Variants in ZNF300 observed in about 807,000 individuals in gnomAD.
ZNF300 encodes the protein zinc finger protein 300, also known as kruppel-like zinc finger protein.
ZNF300 carries 6 observed loss-of-function variants against 13.9 expected under a neutral mutation model. The observed-to-expected ratio is 0.43, with a 90% confidence interval of 0.24 to 0.85. The LOEUF (loss-of-function observed/expected upper bound fraction) is 0.85, where lower values mean the gene tolerates loss of function less well. Among genes scored for constraint, ZNF300 ranks in the 40% least tolerant of loss-of-function variants. The pLI is 0.25. For synonymous variants in ZNF300, 237 were observed against 242.2 expected (o/e 0.98, Z 0.20); for missense variants, 662 against 714.2 (o/e 0.93, Z 0.83).
At chr5:150,904,621 T>C (rs1233655491) in intron 1 of ZNF300, 83 bp downstream of exon 1, 3 of 152,492 alleles carry the variant, frequency 2.0e-5, no homozygotes, top group African/African-American at 4.8e-5. Flanking sequence ...TCCCACCTAC[T>C]TCCCCCACCA....
intron 3 of ZNF300, among the ~76,000 whole-genome samples, chr5:150,901,879 A>C (rs1197658206): frequency 1.3e-5 from 2 of 152,168 alleles, no homozygotes; most frequent in African/African-American, 4.8e-5. Flanking sequence ...AGTGTATACA[A>C]AAGACCTTTA....
chr5:150,900,835 A>T (rs1020421613), intron 3 of ZNF300: 3 of 152,140 alleles, frequency 2.0e-5, no homozygotes, highest in Admixed American at 1.3e-4. Context: ...TCTGAGAGGT[A>T]AATTCATAGA....
Position 150,896,570 on chromosome 5 carries a change from G to C in ZNF300, c.669C>G (p.Ser223Arg), listed in dbSNP as rs781401526. The C allele has an allele frequency of 1.2e-6, 2 of 1,613,660 alleles. No individual in the cohort carries two copies. The highest frequency in any genetic ancestry group is 1.7e-6 in the Non-Finnish European group (2 of 1,179,828). Reference protein sequence around the residue: ...DQSFGGGKSSSQSEPNSNLEK... With the variant: ...DQSFGGGKSSRQSEPNSNLEK... ...CAAGATTAGAATTGGGCTCACTCTG[G>C]CTAGATGATTTTCCACCTCCAAAAC... The change falls in exon 6 of 6, where the codon AGC becomes AGG. Residue 223 changes from serine to arginine, a missense_variant. By Grantham distance (110) the Ser-to-Arg change is moderately radical (BLOSUM62 -1). Coordinates refer to ENST00000274599, the MANE Select transcript of ZNF300 (RefSeq NM_052860.4).
At chr5:150,901,872 G>T (rs1315256816) in intron 3 of ZNF300, among the ~76,000 whole-genome samples, 1 of 152,110 alleles carries the variant, frequency 6.6e-6, no homozygotes, top group East Asian at 1.9e-4. Context: ...TATTCTAAGT[G>T]TATACAAAAG....
chr5:150,902,509 G>A (rs768319466), intron 3 of ZNF300, among the ~76,000 whole-genome samples: 4 of 152,150 alleles, frequency 2.6e-5, no homozygotes, highest in Non-Finnish European at 5.9e-5. Flanking sequence ...TTTTGGCATT[G>A]CAGGCCATAC....
intron 5 of ZNF300, 63 bp downstream of exon 5, chr5:150,897,999 G>C: frequency 6.4e-7 from 1 of 1,560,282 alleles, no homozygotes; most frequent in Non-Finnish European, 8.7e-7. Flanking sequence ...ATTTTGATAA[G>C]GATAGAAACA....
At position 150,896,189 on chromosome 5, in the gene ZNF300, T is replaced by C. The variant is rs761818091; in HGVS notation, c.1050A>G (p.Glu350=). ...LIIHQRVHTG[E]KPYECSECGK... Reference sequence around the variant, plus strand: ...CGCATTCACTACATTCATAGGGTTTTTCCCCAGTGTGAACTCTCTGATGTA... The same window carrying C: ...CGCATTCACTACATTCATAGGGTTTCTCCCCAGTGTGAACTCTCTGATGTA... Residue 350 remains glutamate (E), a synonymous_variant, in exon 6 of 6, where the codon GAA becomes GAG. Transcript: ENST00000274599. The C allele has an allele frequency of 6.2e-7, 1 of 1,613,596 alleles. No individual in the cohort carries two copies. Among genetic ancestry groups the C allele is most frequent in the Non-Finnish European group, 8.5e-7 (1 of 1,179,780 alleles).
rs1242004223 is a variant in ZNF300 at position 150,895,774 on chromosome 5, C to A, written c.1465G>T (p.Gly489Ter). 1.2e-5 allele frequency: 19 copies of A among 1,613,502 alleles called. No individual in the cohort carries two copies. The highest frequency in any genetic ancestry group is 1.6e-5 in the Non-Finnish European group (19 of 1,179,790). ...TCACTACATTTATAGGGTTTTTCTC[C>A]AGTATGTGTTCTCTGATGTATGATG... ...QLIIHQRTHT[G>*]EKPYKCSECG... Residue 489 changes from glycine (G) to a stop codon, truncating the protein, a stop_gained, in exon 6 of 6, where the codon GGA (glycine) becomes TGA (stop). Coordinates refer to ENST00000274599, the MANE Select transcript of ZNF300 (RefSeq NM_052860.4). LOFTEE classifies it low-confidence loss of function (END_TRUNC).
rs1281716579 is a variant in ZNF300 at position 150,896,286 on chromosome 5, G to A, written c.953C>T (p.Thr318Ile). The stretch of plus-strand genomic sequence containing the variant: ...ATCATAAGGTTTCTCCCCAGTATGA[G>A]TTCTCTGATGTACAACAAGATGAAA... ...EKFHLVVHQR[T>I]HTGEKPYDCS... The change falls in exon 6 of 6, where the codon ACT becomes ATT. Residue 318 changes from threonine to isoleucine, a missense_variant. Transcript: ENST00000274599. 1 of 1,613,590 alleles carries A rather than the reference G, an allele frequency of 6.2e-7. No individual in the cohort carries two copies. Among genetic ancestry groups the A allele is most frequent in the South Asian group, 1.1e-5 (1 of 91,056 alleles).
At position 150,896,576 on chromosome 5, in the gene ZNF300, T is replaced by C. The variant is rs1754791192; in HGVS notation, c.663A>G (p.Ser221=). 1.7e-5 allele frequency: 27 copies of C among 1,613,780 alleles called. No individual in the cohort carries two copies. Among genetic ancestry groups the C allele is most frequent in the Non-Finnish European group, 2.3e-5 (27 of 1,179,856 alleles). The part of the protein sequence containing the change: ...KPDQSFGGGK[S]SSQSEPNSNL... The stretch of plus-strand genomic sequence containing the variant: ...TAGAATTGGGCTCACTCTGGCTAGA[T>C]GATTTTCCACCTCCAAAACTCTGAT... The change falls in exon 6 of 6, where the codon TCA becomes TCG. Residue 221 remains serine, a synonymous_variant. Transcript: ENST00000274599.
Position 150,896,736 on chromosome 5 carries a change from C to A in ZNF300, c.503G>T (p.Gly168Val). The change falls in exon 6 of 6, where the codon GGG becomes GTG. Residue 168 changes from glycine (G) to valine (V), a missense_variant. Coordinates refer to ENST00000274599, the MANE Select transcript of ZNF300 (RefSeq NM_052860.4). ...EASGHKYNPL[G>V]KIFQECIETD... ...TTCTATGCACTCTTGAAATATTTTC[C>A]CCAGTGGATTATATTTATGCCCTGA... The A allele has an allele frequency of 6.2e-7, 1 of 1,613,458 alleles. No individual in the cohort carries two copies. The highest frequency in any genetic ancestry group is 1.1e-5 in the South Asian group (1 of 91,052).
In ZNF300 at chr5:150,894,912, G is replaced by A. The variant is rs1754701427; in HGVS notation, c.*512C>T. The A allele has an allele frequency of 6.6e-6, 1 of 152,384 alleles. No homozygotes were observed. The highest frequency in any genetic ancestry group is 2.1e-4 in the South Asian group (1 of 4,840). 9.4% of individuals were successfully genotyped at this position (152,384 alleles called of 1,614,324 possible). On this transcript the variant is annotated 3_prime_UTR_variant, in exon 6 of 6. Coordinates refer to ENST00000274599, the MANE Select transcript of ZNF300 (RefSeq NM_052860.4). The stretch of plus-strand genomic sequence containing the variant: ...TGCTTGAGATGGGAAAATGCATACA[G>A]ATCAACTTTACTGAATCTGATCAAC...
Position 150,895,720 on chromosome 5 carries a change from G to A in ZNF300, c.1519C>T (p.His507Tyr). The stretch of plus-strand genomic sequence containing the variant: ...TGAATTCTCTGATGTCCAATGAGAT[G>A]TGACTTCTGGCAGAAGGCTTTGCCA... ...ECGKAFCQKSHLIGHQRIHTG... is the reference protein window; with the variant it reads ...ECGKAFCQKSYLIGHQRIHTG... Residue 507 changes from histidine (H) to tyrosine (Y), a missense_variant, in exon 6 of 6, where the codon CAT becomes TAT. By Grantham distance (83) the His-to-Tyr change is moderately conservative. Coordinates refer to ENST00000274599, the MANE Select transcript of ZNF300 (RefSeq NM_052860.4). The A allele has an allele frequency of 6.2e-7, 1 of 1,613,642 alleles. No individual in the cohort carries two copies. The highest frequency in any genetic ancestry group is 8.5e-7 in the Non-Finnish European group (1 of 1,179,826).
Position 150,898,438 on chromosome 5 carries a change from C to T in ZNF300, c.132G>A (p.Leu44=), listed in dbSNP as rs1161834760. Residue 44 remains leucine, a synonymous_variant, in exon 4 of 6, where the codon CTG becomes CTA. Transcript: ENST00000274599. Reference sequence around the variant, plus strand: ...GGAAGCCATCCTTACCCATTGAGACCAGGTGGCTGTAGTTCTCCAGCATCA... The same window carrying T: ...GGAAGCCATCCTTACCCATTGAGACTAGGTGGCTGTAGTTCTCCAGCATCA... ...RDVMLENYSH[L]VSMGYPVSKP... is the part of the protein sequence containing the mutation. 3.1e-6 allele frequency: 5 copies of T among 1,613,362 alleles called. No individual in the cohort carries two copies. The highest frequency in any genetic ancestry group is 4.2e-6 in the Non-Finnish European group (5 of 1,179,560).
chr5:150,896,814 T>A lies in ZNF300; in HGVS notation c.425A>T (p.Asp142Val). The change falls in exon 6 of 6, where the codon GAC (aspartate) becomes GTC (valine). Residue 142 changes from aspartate (D) to valine (V), a missense_variant. By Grantham distance (152) the Asp-to-Val change is radical. Transcript: ENST00000274599. The part of the protein sequence containing the change: ...GQLQRFLENQ[D>V]KLFRQVTFVN... ...AAATGTGACCTGCCTGAAGAGTTTGTCTTGATTCTCTAGAAATCTCTGCAG... is the reference window on the plus strand; with the variant it reads ...AAATGTGACCTGCCTGAAGAGTTTGACTTGATTCTCTAGAAATCTCTGCAG... The A allele has an allele frequency of 1.2e-6, 2 of 1,613,780 alleles. 1 individual carries two copies. Among genetic ancestry groups the A allele is most frequent in the Middle Eastern group, 3.3e-4 (2 of 6,062 alleles).
chr5:150,903,785 T>C (rs916567331), intron 2 of ZNF300, 79 bp downstream of exon 2: 78 of 183,598 alleles, frequency 4.2e-4, no homozygotes, highest in Admixed American at 4.1e-3. Flanking sequence ...AACAGCTCTA[T>C]TGTCTGTATA....
At position 150,895,834 on chromosome 5, in the gene ZNF300, C is replaced by G; in HGVS notation, c.1405G>C (p.Glu469Gln). Residue 469 changes from glutamate to glutamine, a missense_variant, in exon 6 of 6, where the codon GAA (glutamate) becomes CAA (glutamine). Glu to Gln is a conservative substitution (Grantham distance 29, BLOSUM62 2). Coordinates refer to ENST00000274599, the MANE Select transcript of ZNF300 (RefSeq NM_052860.4). ...TTGCGGGAGAATGTCTTTCCACATT[C>G]AGTACATTCATAAGGTTTTTCCCCA... is the stretch of plus-strand genomic sequence containing the variant. ...HTGEKPYECT[E>Q]CGKTFSRKSQ... 32 of 1,613,622 alleles carry G rather than the reference C, an allele frequency of 2.0e-5. No individual in the cohort carries two copies. The highest frequency in any genetic ancestry group is 2.6e-5 in the Non-Finnish European group (31 of 1,179,838).
At position 150,898,125 on chromosome 5, in the gene ZNF300, T is replaced by A; in HGVS notation, c.202A>T (p.Ile68Phe). The change falls in exon 5 of 6, where the codon ATC (isoleucine) becomes TTC (phenylalanine). Residue 68 changes from isoleucine (I) to phenylalanine (F), a missense_variant. By Grantham distance (21) the Ile-to-Phe change is conservative (BLOSUM62 0). Transcript: ENST00000274599. ...CAATTTGATATGTCTCCCTTTATGA[T>A]CCATGGCTCTTCTCCTTGTTCCAAC... is the stretch of plus-strand genomic sequence containing the variant. The part of the protein sequence containing the change: ...SKLEQGEEPW[I>F]IKGDISNWIY... 3.7e-6 allele frequency: 6 copies of A among 1,613,700 alleles called. No individual in the cohort carries two copies. The highest frequency in any genetic ancestry group is 5.1e-6 in the Non-Finnish European group (6 of 1,179,734).
At chr5:150,901,031 T>C (rs1172171578) in intron 3 of ZNF300, among the ~76,000 whole-genome samples, 1 of 151,954 alleles carries the variant, frequency 6.6e-6, no homozygotes, top group Non-Finnish European at 1.5e-5. Flanking sequence ...TGCTATTAAG[T>C]GATGGAAGAA....
Sources: allele counts gnomAD v4.1 joint callset (sites outside exome capture counted in the v4.1 genomes callset), GRCh38; gene constraint gnomAD v4.1.1; transcripts MANE v1.5; gene names NCBI Gene and HGNC (gene_info 2026-07-23, HGNC 2026-07-21).